SMAD3: variants seen among roughly 807,000 people sequenced by gnomAD.
SMAD3 encodes MAD homolog 3.
Under a neutral mutation model 51.8 loss-of-function variants are expected in SMAD3, and 12 were observed. The observed-to-expected ratio is 0.23, with a 90% CI of 0.15 to 0.38. The LOEUF (loss-of-function observed/expected upper bound fraction) is 0.38. SMAD3 is among the 10% of genes least tolerant of loss of function. The pLI, the probability that SMAD3 is intolerant of heterozygous loss-of-function variation, is 1.00. For missense variants in SMAD3, 294 were observed against 565.6 expected (o/e 0.52, Z 4.87); for synonymous variants, 238 against 227.7 (o/e 1.05, Z -0.41).
intron 1 of SMAD3, among the ~76,000 whole-genome samples, chr15:67,150,581 GGC>G (rs1187544757): frequency 6.6e-6 from 1 of 152,210 alleles, no homozygotes; most frequent in East Asian, 1.9e-4. Flanking sequence ...GACTGCAGGA[GGC>G]GGGAGGCTGG....
In SMAD3 at chr15:67,190,549, T is replaced by C. The variant is rs1181485032; in HGVS notation, c.*13T>C. 3.1e-6 allele frequency: 5 copies of C among 1,613,698 alleles called. No individual in the cohort carries two copies. The highest frequency in any genetic ancestry group is 2.7e-5 in the African/African-American group (2 of 74,866). The stretch of plus-strand genomic sequence containing the variant: ...CAGTGTGTCTTAGAGACATCAAGTA[T>C]GGTAGGGGAGGGCAGGCTTGGGGAA... On this transcript the variant is annotated 3_prime_UTR_variant, in exon 9 of 9. Transcript: ENST00000327367.
At chr15:67,121,856 G>T (rs1055432317) in intron 1 of SMAD3, among the ~76,000 whole-genome samples, 3 of 152,232 alleles carry the variant, frequency 2.0e-5, no homozygotes, top group African/African-American at 7.2e-5. Context: ...CCACCACTGT[G>T]CTAGGCAGTT....
At chr15:67,176,579 G>A (rs1355766431) in intron 5 of SMAD3, among the ~76,000 whole-genome samples, 3 of 152,198 alleles carry the variant, frequency 2.0e-5, no homozygotes, top group Non-Finnish European at 2.9e-5. Context: ...TCTTGCACAT[G>A]TTTTTAATAG....
intron 7 of SMAD3, chr15:67,187,162 G>A (rs770890617): frequency 4.3e-6 from 3 of 698,118 alleles, no homozygotes; most frequent in Non-Finnish European, 7.8e-6. Context: ...GTGAGGAGAT[G>A]GGTTCAAGGG....
At position 67,138,052 on chromosome 15, in the gene SMAD3, C is replaced by T. The variant is rs1172546213; in HGVS notation, c.207-26843C>T. The stretch of plus-strand genomic sequence containing the variant: ...ATGTCTTGCCTGCACCCTAGGCAAA[C>T]GTGGAAAGGCGCAGCTCTGGTACAC... On this transcript the variant is annotated intron_variant, in intron 1 of 8. Coordinates refer to ENST00000327367, the MANE Select transcript of SMAD3 (RefSeq NM_005902.4). The T allele has an allele frequency of 1.0e-5, 16 of 1,551,470 alleles. No individual in the cohort carries two copies. Among genetic ancestry groups the T allele is most frequent in the Middle Eastern group, 1.7e-4 (1 of 6,014 alleles).
At chr15:67,087,452 T>G (rs1215673060) in intron 1 of SMAD3, among the ~76,000 whole-genome samples, 3 of 152,228 alleles carry the variant, frequency 2.0e-5, no homozygotes, top group Non-Finnish European at 4.4e-5. Context: ...AGATACCGTG[T>G]AATAGGATTG....
chr15:67,126,220 C>T (rs1168789706), intron 1 of SMAD3, among the ~76,000 whole-genome samples: 2 of 152,076 alleles, frequency 1.3e-5, no homozygotes, highest in Admixed American at 6.5e-5. Context: ...CACCATCTTG[C>T]GAGGTGTCAG....
intron 6 of SMAD3, among the ~76,000 whole-genome samples, 175 bp from the exon 7 acceptor site, chr15:67,184,552 G>A (rs1481186063): frequency 6.6e-6 from 1 of 152,166 alleles, no homozygotes; most frequent in Non-Finnish European, 1.5e-5. Context: ...TTAGGAATCC[G>A]GCAGTGCCCA....
chr15:67,067,021 A>G (rs1258859795), intron 1 of SMAD3, among the ~76,000 whole-genome samples: 2 of 152,100 alleles, frequency 1.3e-5, no homozygotes, highest in Non-Finnish European at 2.9e-5. Context: ...TGACTTCCAA[A>G]TGGGAGAGAC....
chr15:67,107,965 T>TCCCCCCCC (rs138958033), intron 1 of SMAD3, among the ~76,000 whole-genome samples: 111 of 124,628 alleles, frequency 8.9e-4, no homozygotes, highest in South Asian at 2.0e-3. Context: ...TGCTCTCCTC[T>TCCCCCCCC]CCCCCCCACC....
chr15:67,075,483 A>C (rs1960148014), intron 1 of SMAD3, among the ~76,000 whole-genome samples: 1 of 152,154 alleles, frequency 6.6e-6, no homozygotes, highest in African/African-American at 2.4e-5. Context: ...GAAAGAGCAA[A>C]GCCTCTCAAG....
At chr15:67,118,235 T>TG (rs915856298) in intron 1 of SMAD3, among the ~76,000 whole-genome samples, 20 of 152,152 alleles carry the variant, frequency 1.3e-4, no homozygotes, top group Admixed American at 2.6e-4. Flanking sequence ...GTCCCTGCAG[T>TG]GGGGGAGCCC....
chr15:67,086,899 T>TC, intron 1 of SMAD3, among the ~76,000 whole-genome samples: 1 of 151,818 alleles, frequency 6.6e-6, no homozygotes, highest in East Asian at 1.9e-4. Context: ...TTCTCCTTTT[T>TC]TTTTTTTTTT....
At chr15:67,105,084 G>C (rs546078719) in intron 1 of SMAD3, among the ~76,000 whole-genome samples, 25 of 152,352 alleles carry the variant, frequency 1.6e-4, no homozygotes, top group African/African-American at 6.0e-4. Flanking sequence ...TTTGTCAGGA[G>C]GCCTTGCCAC....
intron 1 of SMAD3, among the ~76,000 whole-genome samples, chr15:67,077,767 T>C (rs548939740): frequency 5.3e-5 from 8 of 152,198 alleles, no homozygotes; most frequent in African/African-American, 1.9e-4. Context: ...CAGACCAGAC[T>C]GCGGAAGGGC....
At position 67,187,438 on chromosome 15, in the gene SMAD3, G is replaced by A. The variant is rs1963250130; in HGVS notation, c.1083G>A (p.Glu361=). 6.2e-7 allele frequency: 1 copy of A among 1,614,164 alleles called. No individual in the cohort carries two copies. Residue 361 remains glutamate, a synonymous_variant, in exon 8 of 9, where the codon GAG becomes GAA. Coordinates refer to ENST00000327367, the MANE Select transcript of SMAD3 (RefSeq NM_005902.4). The part of the protein sequence containing the change: ...LLAQSVNQGF[E]AVYQLTRMCT... Reference sequence around the variant, plus strand: ...CCCAGTCGGTCAACCAGGGCTTTGAGGCTGTCTACCAGTTGACCCGAATGT... The same window carrying A: ...CCCAGTCGGTCAACCAGGGCTTTGAAGCTGTCTACCAGTTGACCCGAATGT...
chr15:67,098,366 G>GCAAA (rs1191293376), intron 1 of SMAD3, among the ~76,000 whole-genome samples: 1 of 138,324 alleles, frequency 7.2e-6, no homozygotes, highest in East Asian at 2.7e-4. Flanking sequence ...GAGCGAGCAA[G>GCAAA]CAAGCAAGCA....
rs1806448566 is a variant in SMAD3 at position 67,173,269 on chromosome 15, C to T, written c.658+2665C>T. ...TGCAGCCTGGGGGCGGGGAGGGGGGCAGCTGGAGGTGTCCATGTCCACCTG... is the reference window on the plus strand; with the variant it reads ...TGCAGCCTGGGGGCGGGGAGGGGGGTAGCTGGAGGTGTCCATGTCCACCTG... On this transcript the variant is annotated intron_variant, in intron 5 of 8. Coordinates refer to ENST00000327367, the MANE Select transcript of SMAD3 (RefSeq NM_005902.4). Among the ~76,000 whole-genome samples the T allele has an allele frequency of 2.0e-5, 3 of 151,976 alleles. No individual in the cohort carries two copies. In the South Asian group the frequency reaches 6.2e-4, roughly 32 times the overall value.
Position 67,164,910 on chromosome 15 carries a change from G to A in SMAD3, c.222G>A (p.Arg74=). 1.2e-6 allele frequency: 2 copies of A among 1,613,100 alleles called. No homozygotes were observed. The highest frequency in any genetic ancestry group is 1.7e-6 in the Non-Finnish European group (2 of 1,180,050). ...CITIPRSLDG[R]LQVSHRKGLP... is the part of the protein sequence containing the mutation. Reference sequence around the variant, plus strand: ...GTCCTGGCAGGTCCCTGGATGGCCGGTTGCAGGTGTCCCATCGGAAGGGGC... The same window carrying A: ...GTCCTGGCAGGTCCCTGGATGGCCGATTGCAGGTGTCCCATCGGAAGGGGC... The change falls in exon 2 of 9, where the codon CGG becomes CGA. Residue 74 remains arginine (R), a synonymous_variant. Transcript: ENST00000327367.
Sources: allele counts gnomAD v4.1 joint callset (sites outside exome capture counted in the v4.1 genomes callset), GRCh38; gene constraint gnomAD v4.1.1; transcripts MANE v1.5; gene names NCBI Gene and HGNC (gene_info 2026-07-23, HGNC 2026-07-21).